Variants in EXOC6B observed in about 807,000 individuals in gnomAD.
EXOC6B encodes exocyst complex component 6B.
In EXOC6B, 54 loss-of-function variants were observed where a neutral mutation model predicts 113.5. The observed-to-expected ratio is 0.48, with a 90% confidence interval of 0.38 to 0.60. The LOEUF is 0.60. Among genes scored for constraint, EXOC6B ranks in the 20% least tolerant of loss-of-function variants. The probability of loss-of-function intolerance (pLI) is 0.00; values close to 1 mark genes in which losing one functional copy is unlikely to be tolerated. For synonymous variants in EXOC6B, 357 were observed against 339.0 expected, an observed-to-expected ratio of 1.05 and a Z score of -0.58; for missense variants, 797 against 977.5, an observed-to-expected ratio of 0.82 and a Z score of 2.46.
At chr2:72,221,678 C>T (rs1680876475) in intron 20 of EXOC6B, among the ~76,000 whole-genome samples, 1 of 152,080 alleles carries the variant, frequency 6.6e-6, no homozygotes, top group African/African-American at 2.4e-5. Flanking sequence ...ATCTCAAGTG[C>T]CTGGGACATA....
intron 18 of EXOC6B, among the ~76,000 whole-genome samples, chr2:72,459,621 T>A (rs890180898): frequency 6.6e-6 from 1 of 152,040 alleles, no homozygotes; most frequent in Non-Finnish European, 1.5e-5. Context: ...TCAAGGAGAA[T>A]AAAATACCTA....
chr2:72,702,256 A>C (rs371273377), intron 6 of EXOC6B, among the ~76,000 whole-genome samples: 9 of 151,076 alleles, frequency 6.0e-5, no homozygotes, highest in East Asian at 1.9e-4. Flanking sequence ...TGAACTCATC[A>C]TTTTTTATGG....
At chr2:72,336,074 A>C (rs1688675192) in intron 19 of EXOC6B, among the ~76,000 whole-genome samples, 1 of 152,136 alleles carries the variant, frequency 6.6e-6, no homozygotes, top group South Asian at 2.1e-4. Flanking sequence ...TTATACTATT[A>C]TTCAATTCTT....
chr2:72,545,003 C>A (rs1191250600), intron 8 of EXOC6B, among the ~76,000 whole-genome samples: 1 of 151,920 alleles, frequency 6.6e-6, no homozygotes, highest in East Asian at 1.9e-4. Context: ...TATATAAAAA[C>A]CAATTTAGAT....
intron 19 of EXOC6B, among the ~76,000 whole-genome samples, chr2:72,355,121 A>C (rs915508229): frequency 6.6e-6 from 1 of 152,202 alleles, no homozygotes; most frequent in Non-Finnish European, 1.5e-5. Context: ...TTTCGGTATA[A>C]TTTCTTATAT....
At chr2:72,590,871 G>C (rs7591025) in intron 6 of EXOC6B, among the ~76,000 whole-genome samples, 128,092 of 151,846 alleles carry the variant, frequency 0.84, 54,713 homozygotes, top group East Asian at 0.99. Flanking sequence ...CCATAATCTA[G>C]CTTATAACAA....
intron 21 of EXOC6B, among the ~76,000 whole-genome samples, chr2:72,180,350 C>T (rs1678002877): frequency 6.6e-6 from 1 of 152,152 alleles, no homozygotes; most frequent in Admixed American, 6.5e-5. Flanking sequence ...TCACAGAACC[C>T]CCAAGTCTGA....
intron 13 of EXOC6B, among the ~76,000 whole-genome samples, chr2:72,497,268 T>C (rs373149278): frequency 2.0e-4 from 30 of 152,222 alleles, no homozygotes; most frequent in African/African-American, 6.5e-4. Flanking sequence ...CCACTGCACC[T>C]GGCCCATTGA....
At chr2:72,632,658 A>C (rs1307015623) in intron 6 of EXOC6B, among the ~76,000 whole-genome samples, 1 of 152,126 alleles carries the variant, frequency 6.6e-6, no homozygotes, top group African/African-American at 2.4e-5. Flanking sequence ...AAATACTTAT[A>C]AGTAAGTCTC....
chr2:72,193,616 C>T (rs547022609), intron 20 of EXOC6B, among the ~76,000 whole-genome samples: 2 of 152,238 alleles, frequency 1.3e-5, no homozygotes, highest in South Asian at 2.1e-4. Flanking sequence ...GATGTGAATA[C>T]CCTAACAGGT....
At chr2:72,581,798 G>A (rs941262784) in intron 6 of EXOC6B, among the ~76,000 whole-genome samples, 1 of 150,640 alleles carries the variant, frequency 6.6e-6, no homozygotes, top group African/African-American at 2.4e-5. Context: ...CAGCACTAGT[G>A]CTTGTGCCTT....
At chr2:72,508,175 A>G (rs1700706501) in intron 11 of EXOC6B, among the ~76,000 whole-genome samples, 1 of 149,338 alleles carries the variant, frequency 6.7e-6, no homozygotes, top group African/African-American at 2.5e-5. Flanking sequence ...AAAAAAAAAA[A>G]AAAAAAAAAA....
intron 20 of EXOC6B, among the ~76,000 whole-genome samples, chr2:72,299,908 G>C (rs1463316109): frequency 6.6e-6 from 1 of 152,134 alleles, no homozygotes; most frequent in Non-Finnish European, 1.5e-5. Context: ...TCCTTCCTCT[G>C]GAAACTTCGT....
At chr2:72,616,770 C>T (rs1168713149) in intron 6 of EXOC6B, among the ~76,000 whole-genome samples, 1 of 152,052 alleles carries the variant, frequency 6.6e-6, no homozygotes, top group East Asian at 1.9e-4. Context: ...CAGAGCCAAA[C>T]CATATCATTC....
At chr2:72,588,081 G>A (rs1383462121) in intron 6 of EXOC6B, among the ~76,000 whole-genome samples, 1 of 152,024 alleles carries the variant, frequency 6.6e-6, no homozygotes, top group East Asian at 1.9e-4. Context: ...CATTGTTGGT[G>A]GAAATGTATA....
intron 8 of EXOC6B, among the ~76,000 whole-genome samples, chr2:72,536,150 G>A (rs1267044512): frequency 6.6e-6 from 1 of 152,048 alleles, no homozygotes. Context: ...TTTTAAATTT[G>A]TTCTCATTCA....
intron 20 of EXOC6B, among the ~76,000 whole-genome samples, chr2:72,253,017 C>A (rs927913820): frequency 4.6e-5 from 7 of 152,006 alleles, no homozygotes; most frequent in African/African-American, 1.7e-4. Flanking sequence ...AAGCAAAAAA[C>A]AACCCCATTA....
chr2:72,671,799 G>GAAAGAAAGAAAGAA (rs1675877052), intron 6 of EXOC6B, among the ~76,000 whole-genome samples: 1 of 117,612 alleles, frequency 8.5e-6, no homozygotes, highest in African/African-American at 3.2e-5. Context: ...AAGAAAGAAA[G>GAAAGAAAGAAAGAA]AAAGAAAGAA....
At chr2:72,617,432 C>A (rs1671457830) in intron 6 of EXOC6B, among the ~76,000 whole-genome samples, 1 of 152,004 alleles carries the variant, frequency 6.6e-6, no homozygotes, top group African/African-American at 2.4e-5. Context: ...CCCACCCCTG[C>A]AGCAAACTTC....
Sources: gnomAD v4.1 joint callset for allele counts (sites outside exome capture counted in the v4.1 genomes callset) on GRCh38, gnomAD v4.1.1 for gene constraint, MANE v1.5 for transcripts, NCBI Gene and HGNC (gene_info 2026-07-23, HGNC 2026-07-21) for gene names.